Variants in SH3D19 observed in about 807,000 individuals in gnomAD.
The protein encoded by SH3D19 is SH3 domain-containing protein 19.
A neutral mutation model predicts 112.1 loss-of-function variants in SH3D19; 58 were observed. That is an observed-to-expected ratio of 0.52 (90% CI 0.42 to 0.64). SH3D19 has a LOEUF of 0.64. Ranked by LOEUF, SH3D19 falls within the 30% of genes least tolerant of loss-of-function variation. SH3D19 has a pLI of 0.00. For synonymous variants in SH3D19, 391 were observed against 448.5 expected, an observed-to-expected ratio of 0.87 and a Z score of 1.62; for missense variants, 1,090 against 1,263.4, an observed-to-expected ratio of 0.86 and a Z score of 2.08.
intron 2 of SH3D19, among the ~76,000 whole-genome samples, chr4:151,220,195 T>C (rs1159115250): frequency 6.6e-6 from 1 of 152,248 alleles, no homozygotes; most frequent in Non-Finnish European, 1.5e-5. Flanking sequence ...TCCTCTTTGA[T>C]CTTCAAAGTT....
intron 8 of SH3D19, among the ~76,000 whole-genome samples, chr4:151,162,408 C>T (rs1431209017): frequency 6.6e-6 from 1 of 152,060 alleles, no homozygotes; most frequent in Non-Finnish European, 1.5e-5. Context: ...CCAGGCTGGT[C>T]TCGAACTCCT....
chr4:151,232,359 C>A (rs888696453), intron 1 of SH3D19, among the ~76,000 whole-genome samples: 10 of 115,280 alleles, frequency 8.7e-5, no homozygotes, highest in Admixed American at 2.1e-4. Context: ...ACATTGCTGG[C>A]CAAATAAATC....
intron 2 of SH3D19, among the ~76,000 whole-genome samples, chr4:151,197,295 G>C (rs773991050): frequency 6.6e-6 from 1 of 152,210 alleles, no homozygotes; most frequent in Non-Finnish European, 1.5e-5. Flanking sequence ...GGTAAAATAA[G>C]TCATTATACC....
At chr4:151,305,400 A>C (rs1191122142) in intron 1 of SH3D19, among the ~76,000 whole-genome samples, 2 of 152,204 alleles carry the variant, frequency 1.3e-5, no homozygotes, top group African/African-American at 4.8e-5. Context: ...TATGATTTGA[A>C]AATATTTTCT....
intron 1 of SH3D19, among the ~76,000 whole-genome samples, chr4:151,294,503 G>A (rs1775565801): frequency 6.6e-6 from 1 of 152,236 alleles, no homozygotes; most frequent in East Asian, 1.9e-4. Flanking sequence ...TGCACCAAGG[G>A]TAGGCACCTA....
At chr4:151,261,816 A>G (rs1332450543) in intron 1 of SH3D19, among the ~76,000 whole-genome samples, 1 of 152,108 alleles carries the variant, frequency 6.6e-6, no homozygotes, top group Non-Finnish European at 1.5e-5. Context: ...AGTTCTGTTC[A>G]GTCTGAGAAG....
intron 4 of SH3D19, among the ~76,000 whole-genome samples, chr4:151,178,867 T>A (rs921013361): frequency 1.3e-5 from 2 of 152,206 alleles, no homozygotes; most frequent in African/African-American, 4.8e-5. Flanking sequence ...ATCTGTCCAC[T>A]GGTCCTTCCT....
chr4:151,306,927 T>A (rs188809433), intron 1 of SH3D19, among the ~76,000 whole-genome samples: 1 of 152,226 alleles, frequency 6.6e-6, no homozygotes, highest in East Asian at 1.9e-4. Flanking sequence ...AATATCTTTA[T>A]CATCCACTCT....
chr4:151,169,973 C>T (rs1020071432), intron 7 of SH3D19, among the ~76,000 whole-genome samples: 1 of 152,130 alleles, frequency 6.6e-6, no homozygotes, highest in Non-Finnish European at 1.5e-5. Context: ...AGGTATCAGG[C>T]AGGATACCTC....
At chr4:151,309,576 G>A (rs530586506) in intron 1 of SH3D19, among the ~76,000 whole-genome samples, 195 of 152,262 alleles carry the variant, frequency 1.3e-3, no homozygotes, top group Admixed American at 2.1e-3. Flanking sequence ...TTTTTTCAAA[G>A]AAGGTATACA....
rs553874466 is a variant in SH3D19 at position 151,303,986 on chromosome 4, T to TA, written c.112+21254_112+21255insT. ...GGGCTGGTTTACTCATAAAAGCAGA[T>TA]TTTTTTTTTTTTAAGAGATAGGGTC... On this transcript the variant is annotated intron_variant, in intron 1 of 19. Transcript: ENST00000604030. 3.3e-3 allele frequency among the ~76,000 whole-genome samples: 448 copies of TA among 137,628 alleles called. 1 individual carries two copies. Among genetic ancestry groups the TA allele is most frequent in the Non-Finnish European group, 5.7e-3 (363 of 63,776 alleles). 90.3% of individuals were successfully genotyped at this position (137,628 alleles called of 152,430 possible).
At chr4:151,206,047 G>A (rs2149895619) in intron 2 of SH3D19, among the ~76,000 whole-genome samples, 1 of 152,220 alleles carries the variant, frequency 6.6e-6, no homozygotes, top group Non-Finnish European at 1.5e-5. Flanking sequence ...GGTGAGAATT[G>A]TGATTTAATT....
chr4:151,204,954 G>A (rs1764890301), intron 2 of SH3D19, among the ~76,000 whole-genome samples: 1 of 152,008 alleles, frequency 6.6e-6, no homozygotes, highest in South Asian at 2.1e-4. Context: ...TCGAGTAGCC[G>A]GGATTACAGG....
At chr4:151,195,513 CCATAGGTGCT>C (rs1161173744) in intron 2 of SH3D19, among the ~76,000 whole-genome samples, 3 of 151,988 alleles carry the variant, frequency 2.0e-5, no homozygotes, top group Admixed American at 6.6e-5. Flanking sequence ...TGGCCCCTGC[CCATAGGTGCT>C]CATAGGTGCT....
intron 1 of SH3D19, among the ~76,000 whole-genome samples, chr4:151,301,013 T>C (rs79827604): frequency 0.032 from 4,806 of 152,318 alleles, 110 homozygotes; most frequent in Non-Finnish European, 0.053. Context: ...CAATGAGATA[T>C]AGAACCTTGG....
At chr4:151,263,405 G>A (rs1772526271) in intron 1 of SH3D19, among the ~76,000 whole-genome samples, 1 of 152,210 alleles carries the variant, frequency 6.6e-6, no homozygotes, top group South Asian at 2.1e-4. Flanking sequence ...GGACTTGGAA[G>A]ATTAGAAGAT....
At chr4:151,265,925 G>A (rs927684836) in intron 1 of SH3D19, among the ~76,000 whole-genome samples, 2 of 152,072 alleles carry the variant, frequency 1.3e-5, no homozygotes, top group Non-Finnish European at 2.9e-5. Context: ...ATTATTCATT[G>A]TTGGGAATGA....
chr4:151,239,184 G>A (rs1297216609), intron 1 of SH3D19, among the ~76,000 whole-genome samples: 3 of 152,100 alleles, frequency 2.0e-5, no homozygotes, highest in African/African-American at 7.2e-5. Flanking sequence ...GCACCTATGG[G>A]CACTTACCAC....
intron 1 of SH3D19, chr4:151,266,039 G>A (rs1772763845): frequency 6.6e-6 from 1 of 152,186 alleles, no homozygotes; most frequent in Admixed American, 6.5e-5. Flanking sequence ...TAATGGATGA[G>A]ATAGTTACAT....
Sources: gnomAD v4.1 joint callset for allele counts (sites outside exome capture counted in the v4.1 genomes callset) on GRCh38, gnomAD v4.1.1 for gene constraint, MANE v1.5 for transcripts, NCBI Gene and HGNC (gene_info 2026-07-23, HGNC 2026-07-21) for gene names.